Variants in TMC1 observed in about 807,000 individuals in gnomAD.
TMC1 encodes transmembrane channel-like protein 1.
A neutral mutation model predicts 105.8 loss-of-function variants in TMC1; 84 were observed. The ratio of observed to expected loss-of-function variants is 0.79; its 90% CI spans 0.67 to 0.95. The LOEUF (loss-of-function observed/expected upper bound fraction) is 0.95. Among genes scored for constraint, TMC1 ranks in the 40% least tolerant of loss-of-function variants. The pLI, the probability that TMC1 is intolerant of heterozygous loss-of-function variation, is 0.00. For synonymous variants in TMC1, 315 were observed against 311.5 expected, an observed-to-expected ratio of 1.01 and a Z score of -0.12; for missense variants, 817 against 914.1, an observed-to-expected ratio of 0.89 and a Z score of 1.37.
At chr9:72,627,681 A>G (rs1364606268) in intron 3 of TMC1, among the ~76,000 whole-genome samples, 1 of 149,566 alleles carries the variant, frequency 6.7e-6, no homozygotes, top group Non-Finnish European at 1.5e-5. Context: ...GGTTGTACAC[A>G]CAGACAGAAA....
At chr9:72,668,381 A>G (rs1826076260) in intron 5 of TMC1, among the ~76,000 whole-genome samples, 1 of 152,224 alleles carries the variant, frequency 6.6e-6, no homozygotes. Flanking sequence ...CAGCTGAACC[A>G]CACAGCCCCT....
intron 3 of TMC1, among the ~76,000 whole-genome samples, chr9:72,626,226 C>A (rs1825344629): frequency 6.6e-6 from 1 of 152,152 alleles, no homozygotes; most frequent in Admixed American, 6.5e-5. Flanking sequence ...AGTCAACCTC[C>A]AGATTTGTAA....
chr9:72,762,287 G>A (rs1180388228), intron 12 of TMC1, among the ~76,000 whole-genome samples: 1 of 152,168 alleles, frequency 6.6e-6, no homozygotes, highest in East Asian at 1.9e-4. Context: ...GTTGGGGTTT[G>A]TGTGACCTCA....
At chr9:72,629,449 C>T (rs375091650) in intron 4 of TMC1, among the ~76,000 whole-genome samples, 1 of 152,062 alleles carries the variant, frequency 6.6e-6, no homozygotes, top group Non-Finnish European at 1.5e-5. Context: ...GATAAAATGG[C>T]CTTGCCCTCA....
chr9:72,719,188 C>T (rs1201670697), intron 8 of TMC1, among the ~76,000 whole-genome samples: 2 of 152,292 alleles, frequency 1.3e-5, no homozygotes, highest in East Asian at 1.9e-4. Flanking sequence ...TTCACATCCT[C>T]CCCCAAGTTC....
intron 8 of TMC1, among the ~76,000 whole-genome samples, chr9:72,723,783 T>A (rs1339635462): frequency 1.3e-5 from 2 of 152,200 alleles, no homozygotes; most frequent in East Asian, 3.8e-4. Flanking sequence ...AAGAATTCCC[T>A]TTACTTGTCT....
chr9:72,759,037 G>T (rs1456371745), intron 12 of TMC1, among the ~76,000 whole-genome samples: 1 of 152,014 alleles, frequency 6.6e-6, no homozygotes, highest in African/African-American at 2.4e-5. Context: ...AAGGCAAAAG[G>T]GGACATTGAG....
At chr9:72,659,689 T>G (rs900998651) in intron 5 of TMC1, among the ~76,000 whole-genome samples, 2 of 152,228 alleles carry the variant, frequency 1.3e-5, no homozygotes, top group Admixed American at 1.3e-4. Context: ...TTGTTTACTC[T>G]TTAAACAAAT....
intron 5 of TMC1, among the ~76,000 whole-genome samples, chr9:72,685,214 C>T (rs1327412150): frequency 7.5e-5 from 11 of 146,300 alleles, no homozygotes; most frequent in Admixed American, 7.1e-5. Context: ...TCATACCATT[C>T]TCCTGTTTCA....
intron 1 of TMC1, among the ~76,000 whole-genome samples, chr9:72,573,533 A>G (rs921871325): frequency 6.6e-6 from 1 of 152,210 alleles, no homozygotes; most frequent in Non-Finnish European, 1.5e-5. Flanking sequence ...CCTGTGCGTA[A>G]ACTTTGGAAG....
intron 12 of TMC1, among the ~76,000 whole-genome samples, chr9:72,762,603 C>T (rs1426732248): frequency 6.6e-6 from 1 of 152,186 alleles, no homozygotes; most frequent in Non-Finnish European, 1.5e-5. Context: ...AGCGAGACTG[C>T]TAAGCCTCTT....
chr9:72,608,169 A>G (rs2132117435), intron 2 of TMC1, among the ~76,000 whole-genome samples: 1 of 152,304 alleles, frequency 6.6e-6, no homozygotes, highest in East Asian at 1.9e-4. Context: ...CACAGAAAAA[A>G]GAGAAATGGT....
At chr9:72,633,982 G>A (rs1230233204) in intron 4 of TMC1, among the ~76,000 whole-genome samples, 1 of 152,182 alleles carries the variant, frequency 6.6e-6, no homozygotes, top group Non-Finnish European at 1.5e-5. Context: ...AGTAGAGAAA[G>A]CATTTGATAA....
intron 1 of TMC1, among the ~76,000 whole-genome samples, chr9:72,528,127 T>C (rs1333573149): frequency 6.6e-6 from 1 of 152,028 alleles, no homozygotes; most frequent in Non-Finnish European, 1.5e-5. Flanking sequence ...GACAAAGCCC[T>C]CATGAATGGG....
intron 1 of TMC1, among the ~76,000 whole-genome samples, chr9:72,570,182 T>C (rs1681501517): frequency 6.6e-6 from 1 of 151,818 alleles, no homozygotes; most frequent in African/African-American, 2.4e-5. Context: ...TGCAGTTTTT[T>C]TCTTTCCCTC....
chr9:72,713,535 T>C (rs183750097), intron 8 of TMC1, among the ~76,000 whole-genome samples: 3 of 152,336 alleles, frequency 2.0e-5, no homozygotes, highest in Admixed American at 2.0e-4. Context: ...ATCCATTTCT[T>C]CTAGATTTTC....
At chr9:72,753,555 G>A (rs887588408) in intron 11 of TMC1, among the ~76,000 whole-genome samples, 1 of 152,112 alleles carries the variant, frequency 6.6e-6, no homozygotes, top group African/African-American at 2.4e-5. Flanking sequence ...TATTCCAAGA[G>A]CTAGGAAGCA....
rs1464229547 is a variant in TMC1, at chr9:72,805,402, C to T, written c.1587C>T (p.Val529=). The T allele has an allele frequency of 6.2e-7, 1 of 1,613,932 alleles. No individual in the cohort carries two copies. The highest frequency in any genetic ancestry group is 8.5e-7 in the Non-Finnish European group (1 of 1,179,908). Residue 529 remains valine, a synonymous_variant, in exon 18 of 24, where the codon GTC becomes GTT. Transcript: ENST00000297784. ...MVGQEFVRLT[V]SDVLTTYVTI... is the part of the protein sequence containing the mutation. ...AACAGGAGTTTGTGAGGCTGACAGTCTCTGATGTTCTGACCACCTACGTCA... is the reference window on the plus strand; with the variant it reads ...AACAGGAGTTTGTGAGGCTGACAGTTTCTGATGTTCTGACCACCTACGTCA...
chr9:72,675,023 G>A (rs1826180776), intron 5 of TMC1, among the ~76,000 whole-genome samples: 1 of 152,158 alleles, frequency 6.6e-6, no homozygotes, highest in South Asian at 2.1e-4. Flanking sequence ...GAAGAATGCA[G>A]AAGTATGAAA....
Sources: allele counts gnomAD v4.1 joint callset (sites outside exome capture counted in the v4.1 genomes callset), GRCh38; gene constraint gnomAD v4.1.1; transcripts MANE v1.5; gene names NCBI Gene and HGNC (gene_info 2026-07-23, HGNC 2026-07-21).